IPO11: variants seen among roughly 807,000 people sequenced by gnomAD.
IPO11 encodes importin-11.
Under a neutral mutation model 143.2 loss-of-function variants are expected in IPO11, and 66 were observed. The observed-to-expected ratio is 0.46, with a 90% confidence interval of 0.38 to 0.57. The LOEUF is 0.57. Among genes scored for constraint, IPO11 ranks in the 20% least tolerant of loss-of-function variants. The probability of loss-of-function intolerance (pLI) is 0.00; values close to 1 mark genes in which losing one functional copy is unlikely to be tolerated. For missense variants in IPO11, 1,026 were observed against 1,141.0 expected (o/e 0.90, Z 1.45); for synonymous variants, 385 against 377.8 (o/e 1.02, Z -0.22).
At chr5:62,457,644 A>T (rs1009774196) in intron 5 of IPO11, among the ~76,000 whole-genome samples, 2 of 152,196 alleles carry the variant, frequency 1.3e-5, no homozygotes, top group Admixed American at 6.5e-5. Context: ...CTGCTTTGAG[A>T]TGGGTTGGTT....
intron 1 of IPO11, chr5:62,418,830 A>G (rs1000324737): frequency 1.2e-5 from 7 of 591,572 alleles, no homozygotes; most frequent in Non-Finnish European, 2.0e-5. Flanking sequence ...CATGCAGACA[A>G]CCTAGTCCTT....
At chr5:62,459,256 A>T (rs555026122) in intron 5 of IPO11, among the ~76,000 whole-genome samples, 2 of 152,292 alleles carry the variant, frequency 1.3e-5, no homozygotes, top group South Asian at 4.1e-4. Context: ...CCTGAGCTAT[A>T]TCACTGGCAG....
chr5:62,566,566 C>G (rs1450840802), intron 27 of IPO11, among the ~76,000 whole-genome samples: 1 of 151,908 alleles, frequency 6.6e-6, no homozygotes, highest in Admixed American at 6.6e-5. Flanking sequence ...AACCCCATCT[C>G]TACTAAAAAA....
intron 26 of IPO11, among the ~76,000 whole-genome samples, chr5:62,552,573 A>T (rs1743425825): frequency 2.6e-5 from 4 of 151,894 alleles, no homozygotes; most frequent in Admixed American, 2.6e-4. Flanking sequence ...TGGCCTCCCA[A>T]AGTGCTGAGA....
At chr5:62,499,094 A>G (rs1047273712) in intron 16 of IPO11, among the ~76,000 whole-genome samples, 12 of 152,164 alleles carry the variant, frequency 7.9e-5, no homozygotes, top group East Asian at 1.9e-4. Context: ...TTGACTACCA[A>G]CCAGCATAGA....
At chr5:62,511,637 C>T (rs1580265007) in intron 19 of IPO11, among the ~76,000 whole-genome samples, 2 of 152,238 alleles carry the variant, frequency 1.3e-5, no homozygotes, top group African/African-American at 4.8e-5. Flanking sequence ...ATTTTACTAG[C>T]AGAATGAAGA....
intron 3 of IPO11, among the ~76,000 whole-genome samples, chr5:62,448,794 AG>A (rs776467408): frequency 1.2e-4 from 18 of 152,298 alleles, no homozygotes; most frequent in Admixed American, 9.2e-4. Flanking sequence ...CCTGGCCCCA[AG>A]CAGTCCTTCT....
At chr5:62,569,774 A>C (rs569603900) in intron 27 of IPO11, among the ~76,000 whole-genome samples, 2 of 152,290 alleles carry the variant, frequency 1.3e-5, no homozygotes, top group East Asian at 3.9e-4. Context: ...CAGATGTTGA[A>C]ATTCTGCTCC....
At chr5:62,603,408 C>T (rs10069594) in intron 29 of IPO11, among the ~76,000 whole-genome samples, 59,644 of 152,054 alleles carry the variant, frequency 0.39, 13,084 homozygotes, top group South Asian at 0.51. Flanking sequence ...CTGGCGAGCT[C>T]GCTGAAAGCT....
intron 6 of IPO11, among the ~76,000 whole-genome samples, chr5:62,469,125 A>C (rs1745673404): frequency 6.6e-6 from 1 of 152,218 alleles, no homozygotes; most frequent in Admixed American, 6.5e-5. Context: ...GTAATCTTAA[A>C]GGATAAGTGG....
intron 27 of IPO11, among the ~76,000 whole-genome samples, chr5:62,568,369 G>A (rs956888888): frequency 1.3e-5 from 2 of 150,556 alleles, no homozygotes; most frequent in African/African-American, 4.9e-5. Context: ...TTTGTCCATT[G>A]TAGTTTTCAA....
At chr5:62,520,690 A>G (rs767615120) in intron 20 of IPO11, among the ~76,000 whole-genome samples, 3 of 152,146 alleles carry the variant, frequency 2.0e-5, no homozygotes, top group Non-Finnish European at 4.4e-5. Context: ...ATGTCCCTAC[A>G]AAGGATGGCT....
chr5:62,588,024 G>C (rs1317211989), intron 27 of IPO11, among the ~76,000 whole-genome samples: 2 of 152,138 alleles, frequency 1.3e-5, no homozygotes, highest in Admixed American at 6.6e-5. Flanking sequence ...CTGAGGCCTC[G>C]AATCTGCTTT....
At chr5:62,576,814 A>G (rs1744330665) in intron 27 of IPO11, among the ~76,000 whole-genome samples, 1 of 152,256 alleles carries the variant, frequency 6.6e-6, no homozygotes, top group African/African-American at 2.4e-5. Context: ...CAGATGATGT[A>G]TATTTAAAAG....
intron 5 of IPO11, among the ~76,000 whole-genome samples, chr5:62,453,585 G>A (rs1373382565): frequency 6.6e-6 from 1 of 152,136 alleles, no homozygotes; most frequent in Non-Finnish European, 1.5e-5. Context: ...AGAGCCTCTT[G>A]TTTGAGTATG....
intron 5 of IPO11, among the ~76,000 whole-genome samples, chr5:62,454,160 C>G (rs1745040990): frequency 6.6e-6 from 1 of 151,920 alleles, no homozygotes; most frequent in Non-Finnish European, 1.5e-5. Context: ...AAATAAATAG[C>G]CAGTCTTATG....
chr5:62,434,595 C>T (rs933492972), intron 1 of IPO11, among the ~76,000 whole-genome samples: 1 of 152,238 alleles, frequency 6.6e-6, no homozygotes, highest in Non-Finnish European at 1.5e-5. Context: ...GCCACCACAC[C>T]TGGCCATGAG....
chr5:62,562,960 T>G (rs1251494281), intron 27 of IPO11, among the ~76,000 whole-genome samples: 1 of 152,170 alleles, frequency 6.6e-6, no homozygotes, highest in Non-Finnish European at 1.5e-5. Context: ...CTTAAAAATG[T>G]TAAGTAACAT....
chr5:62,601,820 C>T lies in IPO11; in HGVS notation c.2735C>T (p.Pro912Leu). 1.3e-6 allele frequency: 2 copies of T among 1,593,620 alleles called. No homozygotes were observed. The highest frequency in any genetic ancestry group is 1.3e-5 in the African/African-American group (1 of 74,318). Residue 912 changes from proline to leucine, a missense_variant, in exon 29 of 30, where the codon CCC becomes CTC. By Grantham distance (98) the Pro-to-Leu change is moderately conservative. Transcript: ENST00000325324. ...EPKVTEDEEP[P>L]TEQDKRKKML... ...AAAGTAACAGAAGATGAAGAACCAC[C>T]CACAGAACAAGATAAGAGGAAAAAG...
Sources: allele counts gnomAD v4.1 joint callset (sites outside exome capture counted in the v4.1 genomes callset), GRCh38; gene constraint gnomAD v4.1.1; transcripts MANE v1.5; gene names NCBI Gene and HGNC (gene_info 2026-07-23, HGNC 2026-07-21).